Variants in AMOTL1 observed in about 807,000 individuals in gnomAD.
AMOTL1 encodes angiomotin like 1.
A neutral mutation model predicts 102.9 loss-of-function variants in AMOTL1; 45 were observed. The ratio of observed to expected loss-of-function variants is 0.44; its 90% CI spans 0.34 to 0.56. AMOTL1 has a LOEUF of 0.56. Among genes scored for constraint, AMOTL1 ranks in the 20% least tolerant of loss-of-function variants. The pLI is 0.01. For synonymous variants in AMOTL1, 481 were observed against 484.7 expected, an observed-to-expected ratio of 0.99 and a Z score of 0.10; for missense variants, 1,114 against 1,225.6, an observed-to-expected ratio of 0.91 and a Z score of 1.36.
chr11:94,805,294 C>CT (rs1330310360), intron 3 of AMOTL1, among the ~76,000 whole-genome samples: 1 of 152,198 alleles, frequency 6.6e-6, no homozygotes, highest in Admixed American at 6.5e-5. Context: ...AGGAAGAAAG[C>CT]TGTCTGGATA....
At chr11:94,721,286 A>G (rs1309621462) in intron 1 of AMOTL1, among the ~76,000 whole-genome samples, 2 of 152,182 alleles carry the variant, frequency 1.3e-5, no homozygotes, top group African/African-American at 4.8e-5. Flanking sequence ...TAACATTTTC[A>G]ATAATAATGT....
intron 2 of AMOTL1, among the ~76,000 whole-genome samples, chr11:94,733,063 T>C (rs565457583): frequency 6.6e-6 from 1 of 152,346 alleles, no homozygotes; most frequent in African/African-American, 2.4e-5. Flanking sequence ...TGTGAAGTAG[T>C]TAGTCTTATC....
intron 2 of AMOTL1, among the ~76,000 whole-genome samples, chr11:94,734,395 G>A (rs1950404727): frequency 6.6e-6 from 1 of 152,224 alleles, no homozygotes. Context: ...TAAAGAAGTG[G>A]AGCTGTGCTA....
At chr11:94,767,862 A>G (rs376222328), upstream of AMOTL1, among the ~76,000 whole-genome samples, 6 of 152,132 alleles carry the variant, frequency 3.9e-5, no homozygotes, top group East Asian at 1.2e-3. Flanking sequence ...CTGTTTGTCA[A>G]CGGAGCACAT....
At chr11:94,743,603 G>T (rs994137348) in intron 3 of AMOTL1, among the ~76,000 whole-genome samples, 1 of 147,822 alleles carries the variant, frequency 6.8e-6, no homozygotes, top group Non-Finnish European at 1.5e-5. Context: ...AATATAAGAA[G>T]AAGCAGAGCA....
intron 1 of AMOTL1, among the ~76,000 whole-genome samples, chr11:94,786,068 C>T (rs1951183032): frequency 6.6e-6 from 1 of 152,098 alleles, no homozygotes; most frequent in Admixed American, 6.5e-5. Flanking sequence ...ATTTCAGTAA[C>T]TTAATTAAAT....
chr11:94,709,420 C>T (rs1221821230), intron 1 of AMOTL1, among the ~76,000 whole-genome samples: 1 of 152,104 alleles, frequency 6.6e-6, no homozygotes, highest in Non-Finnish European at 1.5e-5. Context: ...GTAAATACTC[C>T]CACCATGGCT....
intron 3 of AMOTL1, among the ~76,000 whole-genome samples, chr11:94,754,830 G>T (rs536926325): frequency 3.3e-5 from 5 of 152,152 alleles, no homozygotes; most frequent in Non-Finnish European, 5.9e-5. Flanking sequence ...TTTAGTATAA[G>T]TATGTCCACT....
At chr11:94,753,161 G>A (rs573222516) in intron 3 of AMOTL1, among the ~76,000 whole-genome samples, 3 of 152,220 alleles carry the variant, frequency 2.0e-5, no homozygotes, top group African/African-American at 7.2e-5. Context: ...GGTGAACACC[G>A]GCTACCTCCC....
At chr11:94,738,903 A>G (rs567118471) in intron 2 of AMOTL1, among the ~76,000 whole-genome samples, 2 of 152,300 alleles carry the variant, frequency 1.3e-5, no homozygotes, top group East Asian at 3.9e-4. Flanking sequence ...TGGTGTCGCT[A>G]TGACAGCAGG....
intron 1 of AMOTL1, among the ~76,000 whole-genome samples, chr11:94,788,106 G>A (rs1459580111): frequency 5.3e-5 from 8 of 152,080 alleles, no homozygotes; most frequent in Non-Finnish European, 1.5e-5. Context: ...AGCCTAGGTC[G>A]TTCTAACTGC....
Position 94,741,049 on chromosome 11 carries a change from T to C in AMOTL1, c.136+61T>C, listed in dbSNP as rs879110474. On this transcript the variant is annotated intron_variant, in intron 3 of 4. Coordinates refer to the AMOTL1 transcript ENST00000299004. ...GCAATTCTGCCCGAGAACTGCGAGT[T>C]TGGGGGGCGTCCATAGGAACTCAGC... 1.3e-4 allele frequency: 157 copies of C among 1,249,554 alleles called. 2 individuals carry two copies. Among genetic ancestry groups the C allele is most frequent in the Non-Finnish European group, 2.5e-5 (24 of 952,758 alleles). The allele number at this position is 1,249,554 out of a possible 1,614,324, so 77.4% of individuals were successfully genotyped here.
intron 1 of AMOTL1, among the ~76,000 whole-genome samples, chr11:94,711,561 C>A (rs1170046288): frequency 6.6e-6 from 1 of 152,088 alleles, no homozygotes. Flanking sequence ...CTAACCATAT[C>A]ATCACTGCAA....
intron 9 of AMOTL1, among the ~76,000 whole-genome samples, chr11:94,861,169 T>C (rs1251010574): frequency 6.6e-6 from 1 of 152,142 alleles, no homozygotes; most frequent in African/African-American, 2.4e-5. Context: ...AGTGAGGCTT[T>C]GGGAGTGGGG....
At position 94,719,754 on chromosome 11, in the gene AMOTL1, A is replaced by G. The variant is rs148674900; in HGVS notation, c.-50-9167A>G. 4.5e-3 allele frequency among the ~76,000 whole-genome samples: 687 copies of G among 152,248 alleles called. 4 individuals are homozygous for G. Among genetic ancestry groups the G allele is most frequent in the African/African-American group, 0.016 (665 of 41,566 alleles). ...CACTACGTATTCTTTAAAAAAAATA[A>G]GTACGCTTTTCTTTTACAATTAAAA... On this transcript the variant is annotated intron_variant, in intron 1 of 4. Transcript: ENST00000299004.
chr11:94,797,680 T>C (rs1310117070), intron 2 of AMOTL1, among the ~76,000 whole-genome samples: 1 of 152,108 alleles, frequency 6.6e-6, no homozygotes, highest in Admixed American at 6.5e-5. Context: ...CCAAGAGATA[T>C]GGTGAGATGC....
rs1344955924 is a variant in AMOTL1, at chr11:94,821,690, C to G, written c.1282C>G (p.Gln428Glu). The G allele has an allele frequency of 1.2e-6, 2 of 1,613,938 alleles. No individual in the cohort carries two copies. The highest frequency in any genetic ancestry group is 1.1e-5 in the South Asian group (1 of 91,094). Reference protein sequence around the residue: ...PQPPPAASPSQQLGPDAFAIV... With the variant: ...PQPPPAASPSEQLGPDAFAIV... ...GCCCCCGCCTGCCGCCTCCCCCAGC[C>G]AGCAGCTTGGTCCAGATGCCTTTGC... Residue 428 changes from glutamine to glutamate, a missense_variant, in exon 4 of 13, where the codon CAG (glutamine) becomes GAG (glutamate). Physicochemically the swap from Gln to Glu is conservative, Grantham distance 29 (BLOSUM62 2). Coordinates refer to ENST00000433060, the MANE Select transcript of AMOTL1 (RefSeq NM_130847.3).
intron 3 of AMOTL1, among the ~76,000 whole-genome samples, chr11:94,752,333 G>T (rs1950666763): frequency 2.0e-5 from 3 of 152,070 alleles, no homozygotes; most frequent in African/African-American, 7.2e-5. Flanking sequence ...GACAGAAAAG[G>T]CAGTGCTTGC....
chr11:94,766,534 G>A (rs1950856858), upstream of AMOTL1, among the ~76,000 whole-genome samples: 1 of 152,198 alleles, frequency 6.6e-6, no homozygotes, highest in African/African-American at 2.4e-5. Context: ...ATGGTATCTA[G>A]GAGTGGGCAA....
Sources: allele counts gnomAD v4.1 joint callset (sites outside exome capture counted in the v4.1 genomes callset), GRCh38; gene constraint gnomAD v4.1.1; transcripts MANE v1.5; gene names NCBI Gene and HGNC (gene_info 2026-07-23, HGNC 2026-07-21).